Variants in TMEM161B observed in about 807,000 individuals in gnomAD.
TMEM161B encodes the protein transmembrane protein 161B.
A neutral mutation model predicts 61.8 loss-of-function variants in TMEM161B; 34 were observed. The observed-to-expected ratio is 0.55, with a 90% confidence interval of 0.42 to 0.73. The LOEUF is 0.73. TMEM161B is among the 30% of genes least tolerant of loss of function. The pLI, the probability that TMEM161B is intolerant of heterozygous loss-of-function variation, is 0.00. For synonymous variants in TMEM161B, 167 were observed against 192.8 expected (o/e 0.87, Z 1.11); for missense variants, 456 against 558.5 (o/e 0.82, Z 1.85).
chr5:88,254,998 A>C (rs1446635771), intron 1 of TMEM161B, among the ~76,000 whole-genome samples: 1 of 152,152 alleles, frequency 6.6e-6, no homozygotes, highest in African/African-American at 2.4e-5. Context: ...AATTTGAAGA[A>C]TAACCACACC....
intron 2 of TMEM161B, among the ~76,000 whole-genome samples, chr5:88,233,806 C>A (rs2112613135): frequency 6.6e-6 from 1 of 151,748 alleles, no homozygotes; most frequent in East Asian, 1.9e-4. Flanking sequence ...TTTTAAGTAC[C>A]CATGAGACAT....
At chr5:88,216,044 G>A (rs1747763671) in intron 5 of TMEM161B, among the ~76,000 whole-genome samples, 1 of 152,138 alleles carries the variant, frequency 6.6e-6, no homozygotes. Context: ...GATGGCTTGA[G>A]GCCAGGAGTT....
chr5:88,237,918 C>T (rs1425202185), intron 2 of TMEM161B, among the ~76,000 whole-genome samples: 2 of 151,974 alleles, frequency 1.3e-5, no homozygotes, highest in South Asian at 2.1e-4. Context: ...AGGAAAATGG[C>T]TTACTCATTA....
chr5:88,207,362 T>C (rs1171970641), intron 5 of TMEM161B, among the ~76,000 whole-genome samples, 182 bp from the exon 6 acceptor site: 1 of 152,206 alleles, frequency 6.6e-6, no homozygotes, highest in East Asian at 1.9e-4. Flanking sequence ...GGAATGTATT[T>C]CTAGTTTATC....
chr5:88,199,269 C>T (rs1474862466), intron 9 of TMEM161B, 119 bp from the exon 10 acceptor site: 9 of 948,986 alleles, frequency 9.5e-6, no homozygotes, highest in African/African-American at 3.4e-5. Context: ...CAGTTAGACA[C>T]ATAAAAGAAT....
At chr5:88,248,636 C>T (rs1753926815) in intron 1 of TMEM161B, among the ~76,000 whole-genome samples, 1 of 150,136 alleles carries the variant, frequency 6.7e-6, no homozygotes, top group African/African-American at 2.5e-5. Flanking sequence ...TAGAAATTGC[C>T]TTAGGTTATC....
rs962304613 is a variant in TMEM161B at position 88,247,217 on chromosome 5, C to T, written c.4-6301G>A. 3.9e-5 allele frequency among the ~76,000 whole-genome samples: 6 copies of T among 152,104 alleles called. No homozygotes were observed. The East Asian group carries it at 1.2e-3, about 29-fold the overall frequency. On this transcript the variant is annotated intron_variant, in intron 1 of 11. Transcript: ENST00000296595. ...TAACAAGAAAAATTAAACAATTCTC[C>T]AAGAAATAAAATGTACCCAAATAAC...
chr5:88,225,128 T>C lies in TMEM161B; in HGVS notation c.289+641A>G, dbSNP rs1444903668. Among the ~76,000 whole-genome samples, 8 of 151,888 alleles carry C rather than the reference T, an allele frequency of 5.3e-5. No homozygotes were observed. The East Asian group carries it at 5.8e-4, about 11-fold the overall frequency. ...GACTACAGGCGCCTGCCACCACGCC[T>C]GGCTAATTTTTTGTATTTTTAGTAG... is the stretch of plus-strand genomic sequence containing the variant. On this transcript the variant is annotated intron_variant, in intron 4 of 11. Transcript: ENST00000296595.
At position 88,196,345 on chromosome 5, in the gene TMEM161B, T is replaced by C; in HGVS notation, c.1330A>G (p.Ser444Gly). The C allele has an allele frequency of 1.2e-6, 2 of 1,613,438 alleles. No homozygotes were observed. The highest frequency in any genetic ancestry group is 1.7e-6 in the Non-Finnish European group (2 of 1,179,588). The change falls in exon 12 of 12, where the codon AGC becomes GGC. Residue 444 changes from serine (S) to glycine (G), a missense_variant. By Grantham distance (56) the Ser-to-Gly change is moderately conservative. Coordinates refer to ENST00000296595, the MANE Select transcript of TMEM161B (RefSeq NM_153354.5). ...VTVTQITVAL[S>G]SLKNIFTPLL... is the part of the protein sequence containing the mutation. Reference sequence around the variant, plus strand: ...GGAGTAAAAATATTTTTTAAGCTGCTCAGTGCCACTGTTATTTGTGTAACA... The same window carrying C: ...GGAGTAAAAATATTTTTTAAGCTGCCCAGTGCCACTGTTATTTGTGTAACA...
rs146509170 is a variant in TMEM161B, at chr5:88,260,395, GC to G, written c.3+8325del. Among the ~76,000 whole-genome samples, 697 of 152,264 alleles carry G rather than the reference GC, an allele frequency of 4.6e-3. 9 individuals are homozygous for G. The highest frequency in any genetic ancestry group is 0.016 in the African/African-American group (671 of 41,564). ...TAAAAATCATAGAATTCTAGTTCAA[GC>G]ACACTTTCAATGCCATGTATTTATT... On this transcript the variant is annotated intron_variant, in intron 1 of 11. Transcript: ENST00000296595.
chr5:88,219,905 T>C (rs558302600), intron 5 of TMEM161B, among the ~76,000 whole-genome samples: 2 of 152,080 alleles, frequency 1.3e-5, no homozygotes, highest in South Asian at 2.1e-4. Context: ...TAGAGGGAAT[T>C]CTTGGAAGAC....
At chr5:88,188,279 A>ATTT (rs35094128), downstream of TMEM161B, among the ~76,000 whole-genome samples, 1 of 143,444 alleles carries the variant, frequency 7.0e-6, no homozygotes, top group Non-Finnish European at 1.5e-5. Context: ...TAATTTTTGT[A>ATTT]TTTTTTTTTT....
chr5:88,203,707 T>G (rs1234778443), intron 8 of TMEM161B, among the ~76,000 whole-genome samples: 1 of 144,848 alleles, frequency 6.9e-6, no homozygotes, highest in Non-Finnish European at 1.5e-5. Context: ...CATTTTAATT[T>G]CTTTTTGAAT....
exon 13 of TMEM161B, chr5:88,189,795 G>A (rs544532614): frequency 5.2e-5 from 22 of 422,014 alleles, no homozygotes; most frequent in African/African-American, 3.8e-4. Context: ...TTTAGAAGGG[G>A]TACATCTAAT....
chr5:88,227,513 T>C (rs1230976122), intron 3 of TMEM161B, among the ~76,000 whole-genome samples: 1 of 152,212 alleles, frequency 6.6e-6, no homozygotes, highest in East Asian at 1.9e-4. Flanking sequence ...GAAGGAAGGT[T>C]TACTATTAAT....
Position 88,205,878 on chromosome 5 carries a change from G to A in TMEM161B, c.736C>T (p.Pro246Ser), listed in dbSNP as rs1745361229. 6.2e-7 allele frequency: 1 copy of A among 1,612,666 alleles called. No individual in the cohort carries two copies. Among genetic ancestry groups the A allele is most frequent in the Non-Finnish European group, 8.5e-7 (1 of 1,179,310 alleles). ...CSFIGAFLTF[P>S]GLRLAQMHLD... ...TGCATTTGAGCCAGTCGTAATCCAG[G>A]AAATGTCAAAAAAGCCCCAATGAAT... is the stretch of plus-strand genomic sequence containing the variant. The change falls in exon 8 of 12, where the codon CCT becomes TCT. Residue 246 changes from proline (P) to serine (S), a missense_variant. Around this residue, in one of 3 missense-constraint regions of TMEM161B, gnomAD observed 367 missense variants for 427.3 expected, o/e 0.86. Transcript: ENST00000296595.
intron 11 of TMEM161B, 54 bp downstream of exon 11, chr5:88,197,615 A>C: frequency 1.4e-6 from 2 of 1,402,832 alleles, no homozygotes; most frequent in Admixed American, 4.2e-5. Flanking sequence ...AAAAAGCTTT[A>C]TTAATTATAG....
chr5:88,232,756 A>G (rs1751216878), intron 2 of TMEM161B, among the ~76,000 whole-genome samples: 1 of 152,096 alleles, frequency 6.6e-6, no homozygotes, highest in African/African-American at 2.4e-5. Flanking sequence ...TGTATTTTTT[A>G]GTAGAAATGG....
chr5:88,256,220 T>A (rs1010350640), intron 1 of TMEM161B, among the ~76,000 whole-genome samples: 3 of 152,184 alleles, frequency 2.0e-5, no homozygotes, highest in African/African-American at 7.2e-5. Flanking sequence ...GAATAAATAA[T>A]GTAATATCTC....
Sources: allele counts gnomAD v4.1 joint callset (sites outside exome capture counted in the v4.1 genomes callset), GRCh38; gene constraint gnomAD v4.1.1; regional missense constraint gnomAD v4.1.1; transcripts MANE v1.5; gene names NCBI Gene and HGNC (gene_info 2026-07-23, HGNC 2026-07-21).